Variants in MARCHF1 observed in about 807,000 individuals in gnomAD.
The protein encoded by MARCHF1 is membrane associated ring-CH-type finger 1, also known as E3 ubiquitin-protein ligase MARCHF1.
Under a neutral mutation model 54.2 loss-of-function variants are expected in MARCHF1, and 40 were observed. That is an observed-to-expected ratio of 0.74 (90% CI 0.57 to 0.96). The LOEUF (loss-of-function observed/expected upper bound fraction) is 0.96. MARCHF1 is among the 40% of genes least tolerant of loss of function. MARCHF1 has a pLI of 0.00. For missense variants in MARCHF1, 586 were observed against 656.5 expected (o/e 0.89, Z 1.17); for synonymous variants, 236 against 236.3 (o/e 1.00, Z 0.01).
chr4:164,236,249 G>A (rs1017299472), intron 1 of MARCHF1, among the ~76,000 whole-genome samples: 2 of 152,088 alleles, frequency 1.3e-5, no homozygotes, highest in Non-Finnish European at 2.9e-5. Flanking sequence ...GGTTTCCACA[G>A]CAGCTGGTTG....
intron 4 of MARCHF1, among the ~76,000 whole-genome samples, chr4:163,741,310 T>C: frequency 6.6e-6 from 1 of 151,862 alleles, no homozygotes. Context: ...ACAGGCCGGG[T>C]GTGGTGGCTC....
At chr4:164,087,625 C>A (rs1020714944) in intron 2 of MARCHF1, among the ~76,000 whole-genome samples, 2 of 152,136 alleles carry the variant, frequency 1.3e-5, no homozygotes, top group African/African-American at 4.8e-5. Flanking sequence ...ACTCTGTTCA[C>A]AAACAAATTA....
chr4:164,027,045 AAGG>A (rs1212664345), intron 2 of MARCHF1, among the ~76,000 whole-genome samples: 1 of 152,052 alleles, frequency 6.6e-6, no homozygotes, highest in Non-Finnish European at 1.5e-5. Flanking sequence ...AGATCTCTAT[AAGG>A]AGAACTAAAA....
chr4:163,626,717 A>G (rs938705538), intron 5 of MARCHF1, among the ~76,000 whole-genome samples: 2 of 152,148 alleles, frequency 1.3e-5, no homozygotes, highest in African/African-American at 4.8e-5. Flanking sequence ...TCATGAGGTC[A>G]GGACATCGAG....
intron 4 of MARCHF1, among the ~76,000 whole-genome samples, chr4:163,779,131 A>G (rs1007322242): frequency 1.3e-5 from 2 of 152,216 alleles, no homozygotes; most frequent in Non-Finnish European, 2.9e-5. Flanking sequence ...AATATGCTAC[A>G]TGGAGAGAAA....
At chr4:163,896,646 T>A (rs1216493730) in intron 3 of MARCHF1, among the ~76,000 whole-genome samples, 1 of 152,202 alleles carries the variant, frequency 6.6e-6, no homozygotes, top group African/African-American at 2.4e-5. Flanking sequence ...GAAACATAGT[T>A]GGCAGATAAG....
intron 1 of MARCHF1, among the ~76,000 whole-genome samples, chr4:164,174,262 C>T (rs1445884317): frequency 6.6e-6 from 1 of 152,164 alleles, no homozygotes; most frequent in Admixed American, 6.5e-5. Flanking sequence ...AACCTCTCAG[C>T]TTCTTGGTTG....
intron 8 of MARCHF1, among the ~76,000 whole-genome samples, chr4:163,571,862 G>A (rs1277386932): frequency 6.6e-6 from 1 of 152,068 alleles, no homozygotes; most frequent in East Asian, 1.9e-4. Context: ...CAGGGCTGCA[G>A]AAGAGCTTTG....
At chr4:163,686,310 T>A (rs1744266924) in intron 5 of MARCHF1, among the ~76,000 whole-genome samples, 1 of 151,844 alleles carries the variant, frequency 6.6e-6, no homozygotes, top group African/African-American at 2.4e-5. Flanking sequence ...CTTGTTATAC[T>A]TGGGCAGAAA....
chr4:163,601,446 G>C (rs939451161), intron 7 of MARCHF1, among the ~76,000 whole-genome samples: 1 of 151,476 alleles, frequency 6.6e-6, no homozygotes, highest in Non-Finnish European at 1.5e-5. Context: ...TTGCTAAACA[G>C]ATATAAATTC....
chr4:164,354,565 C>CTAAAAA, intron 1 of MARCHF1, among the ~76,000 whole-genome samples: 1 of 136,912 alleles, frequency 7.3e-6, no homozygotes, highest in Non-Finnish European at 1.6e-5. Context: ...ATTCAACAAC[C>CTAAAAA]CTTCATGCTA....
chr4:163,599,857 A>G (rs1740900823), intron 7 of MARCHF1, among the ~76,000 whole-genome samples: 1 of 152,236 alleles, frequency 6.6e-6, no homozygotes, highest in African/African-American at 2.4e-5. Flanking sequence ...CTTCCCCCGC[A>G]AAGGGTCATT....
rs532166600 is a variant in MARCHF1, at chr4:164,306,041, A to T, written c.-323+77829T>A. 4.7e-5 allele frequency among the ~76,000 whole-genome samples: 7 copies of T among 149,940 alleles called. No homozygotes were observed. The South Asian group carries it at 1.5e-3, about 32-fold the overall frequency. ...TTACGAATAATTCTCACTAATGCAC[A>T]TATGTCTTATTTACAAATAGCTATA... On this transcript the variant is annotated intron_variant, in intron 1 of 9. Transcript: ENST00000514618.
intron 7 of MARCHF1, 51 bp from the exon 8 acceptor site, chr4:163,585,980 G>T (rs369711252): frequency 2.1e-4 from 318 of 1,505,266 alleles, no homozygotes; most frequent in Non-Finnish European, 2.8e-4. Flanking sequence ...AACATTTCTC[G>T]CCTGTGTTAT....
At chr4:163,786,023 A>G (rs1747608702) in intron 4 of MARCHF1, among the ~76,000 whole-genome samples, 1 of 152,050 alleles carries the variant, frequency 6.6e-6, no homozygotes, top group Non-Finnish European at 1.5e-5. Flanking sequence ...ATGAAGGAAG[A>G]AATCTGGAGG....
chr4:164,079,325 T>G (rs939245514), intron 2 of MARCHF1, among the ~76,000 whole-genome samples: 1 of 152,160 alleles, frequency 6.6e-6, no homozygotes, highest in African/African-American at 2.4e-5. Context: ...AATGAAAAAG[T>G]TTGTATTTTT....
chr4:163,764,407 T>A (rs1579267427), intron 4 of MARCHF1, among the ~76,000 whole-genome samples: 1 of 152,078 alleles, frequency 6.6e-6, no homozygotes, highest in East Asian at 1.9e-4. Context: ...TTTCTTTGCA[T>A]GAAAAGTTGA....
intron 3 of MARCHF1, among the ~76,000 whole-genome samples, chr4:163,955,544 T>TG (rs1752215775): frequency 6.6e-6 from 1 of 152,044 alleles, no homozygotes; most frequent in Non-Finnish European, 1.5e-5. Flanking sequence ...GCTGTGCTTC[T>TG]CATGTCTGTG....
chr4:164,143,483 A>G (rs911745263), intron 1 of MARCHF1, among the ~76,000 whole-genome samples: 5 of 150,946 alleles, frequency 3.3e-5, no homozygotes, highest in African/African-American at 9.8e-5. Context: ...CTCGGCAGAA[A>G]CTCTACAAGC....
Sources: allele counts gnomAD v4.1 joint callset (sites outside exome capture counted in the v4.1 genomes callset), GRCh38; gene constraint gnomAD v4.1.1; transcripts MANE v1.5; gene names NCBI Gene and HGNC (gene_info 2026-07-23, HGNC 2026-07-21).